Variants in TXNRD3 observed in about 807,000 individuals in gnomAD.
The protein encoded by TXNRD3 is thioredoxin reductase 3, also known as TXNRD3 neighbor gene protein.
In TXNRD3, 68 loss-of-function variants were observed where a neutral mutation model predicts 78.2. The observed-to-expected ratio is 0.87, with a 90% CI of 0.72 to 1.06. The LOEUF is 1.06. TXNRD3 is among the 50% of genes least tolerant of loss of function. TXNRD3 has a pLI of 0.00. For missense variants in TXNRD3, 751 were observed against 809.5 expected, an observed-to-expected ratio of 0.93 and a Z score of 0.88; for synonymous variants, 296 against 300.1, an observed-to-expected ratio of 0.99 and a Z score of 0.14.
chr3:126,608,097 A>C, intron 15 of TXNRD3, 124 bp from the exon 16 acceptor site: 45 of 714,070 alleles, frequency 6.3e-5, no homozygotes, highest in Non-Finnish European at 9.1e-5. Flanking sequence ...ATGGTGGCTC[A>C]TGCCTGTAAT....
intron 13 of TXNRD3, among the ~76,000 whole-genome samples, chr3:126,611,443 C>CG (rs1938197337): frequency 6.6e-6 from 1 of 152,164 alleles, no homozygotes; most frequent in Non-Finnish European, 1.5e-5. Context: ...CACAGGCTCT[C>CG]GTGTGGGCTG....
rs902961800 is a variant in TXNRD3 at position 126,654,974 on chromosome 3, G to T, written c.17C>A (p.Pro6Gln). ...CGCCTTTCCCGGCCCGGGCGACTGC[G>T]GCGGCGACCGCTCCAGAGTCTCGCT... The change falls in exon 1 of 16, where the codon CCG becomes CAG. Residue 6 changes from proline (P) to glutamine (Q), a missense_variant. Pro to Gln is a moderately conservative substitution (Grantham distance 76). Transcript: ENST00000524230. 7.3e-5 allele frequency: 95 copies of T among 1,301,144 alleles called. No individual in the cohort carries two copies. The highest frequency in any genetic ancestry group is 8.9e-5 in the Non-Finnish European group (92 of 1,029,412). The allele number at this position is 1,301,144 out of a possible 1,614,324, so 80.6% of individuals were successfully genotyped here. A position where few individuals can be genotyped will look rare whatever the true frequency, so the allele number is the denominator to read the frequency against.
intron 10 of TXNRD3, among the ~76,000 whole-genome samples, chr3:126,623,308 CAGGAA>C (rs1481303315): frequency 6.6e-6 from 1 of 152,072 alleles, no homozygotes; most frequent in Non-Finnish European, 1.5e-5. Flanking sequence ...AAAACTCTTT[CAGGAA>C]AGAGAAAAAG....
chr3:126,637,869 T>C (rs538294283), intron 6 of TXNRD3, among the ~76,000 whole-genome samples: 1 of 151,368 alleles, frequency 6.6e-6, no homozygotes, highest in Non-Finnish European at 1.5e-5. Flanking sequence ...TGAAAGCTCA[T>C]TCAGTTTCTA....
At chr3:126,644,744 C>T (rs1251158411) in intron 3 of TXNRD3, among the ~76,000 whole-genome samples, 3 of 152,176 alleles carry the variant, frequency 2.0e-5, no homozygotes, top group Non-Finnish European at 1.5e-5. Flanking sequence ...AGTGGAATAG[C>T]CAAGTATCAT....
At chr3:126,610,330 T>G (rs981881099) in intron 14 of TXNRD3, among the ~76,000 whole-genome samples, 1 of 152,248 alleles carries the variant, frequency 6.6e-6, no homozygotes, top group Admixed American at 6.5e-5. Flanking sequence ...TGATAAACTC[T>G]TCAAGAGAAG....
At chr3:126,642,220 T>C in intron 5 of TXNRD3, 69 bp from the exon 6 acceptor site, 1 of 1,448,968 alleles carries the variant, frequency 6.9e-7, no homozygotes, top group Admixed American at 2.7e-5. Context: ...TCATATTATA[T>C]TAAAACATGT....
chr3:126,643,064 G>T (rs1045780319), intron 5 of TXNRD3, among the ~76,000 whole-genome samples: 5 of 152,206 alleles, frequency 3.3e-5, no homozygotes, highest in African/African-American at 4.8e-5. Flanking sequence ...ACCACCCAGA[G>T]GGAGCCAGCC....
intron 14 of TXNRD3, among the ~76,000 whole-genome samples, 158 bp downstream of exon 14, chr3:126,610,879 T>C (rs977629084): frequency 1.3e-5 from 2 of 151,894 alleles, no homozygotes; most frequent in East Asian, 3.9e-4. Context: ...CTCAGGAAGC[T>C]GAAGCAGGAG....
intron 3 of TXNRD3, among the ~76,000 whole-genome samples, chr3:126,645,318 A>G (rs1022492029): frequency 6.6e-6 from 1 of 152,180 alleles, no homozygotes; most frequent in Admixed American, 6.6e-5. Context: ...GCATCTACAG[A>G]TTTATTCTTG....
intron 6 of TXNRD3, among the ~76,000 whole-genome samples, chr3:126,637,230 T>C (rs922007007): frequency 1.1e-4 from 16 of 152,220 alleles, no homozygotes; most frequent in Non-Finnish European, 2.4e-4. Context: ...ACCACTAATT[T>C]TTATACTCAA....
chr3:126,643,215 G>C (rs566747850), intron 5 of TXNRD3, among the ~76,000 whole-genome samples: 1 of 152,310 alleles, frequency 6.6e-6, no homozygotes, highest in South Asian at 2.1e-4. Flanking sequence ...AGAAGCCAGA[G>C]GGCAAGGCTG....
intron 13 of TXNRD3, among the ~76,000 whole-genome samples, chr3:126,615,003 AC>A (rs1346818067): frequency 6.6e-6 from 1 of 152,266 alleles, no homozygotes; most frequent in Non-Finnish European, 1.5e-5. Context: ...CAGGCAGACA[AC>A]CCTGGAACTT....
chr3:126,642,916 G>A (rs1382545770), intron 5 of TXNRD3, among the ~76,000 whole-genome samples: 1 of 152,178 alleles, frequency 6.6e-6, no homozygotes, highest in Non-Finnish European at 1.5e-5. Context: ...ACTTGAGTTG[G>A]GTAACTGAAG....
rs904279125 is a variant in TXNRD3 at position 126,640,647 on chromosome 3, T to C, written c.712+1385A>G. 3.3e-5 allele frequency among the ~76,000 whole-genome samples: 5 copies of C among 152,250 alleles called. No individual in the cohort carries two copies. The South Asian group carries it at 1.0e-3, about 32-fold the overall frequency. The stretch of plus-strand genomic sequence containing the variant: ...AAGTGGTTTGTAATTTTTCTTAAAG[T>C]CCACAAGACATTCTGATACACAGCC... On this transcript the variant is annotated intron_variant, in intron 6 of 15. Transcript: ENST00000524230.
At chr3:126,622,186 C>G (rs1201752538) in intron 11 of TXNRD3, among the ~76,000 whole-genome samples, 1 of 152,166 alleles carries the variant, frequency 6.6e-6, no homozygotes, top group East Asian at 1.9e-4. Flanking sequence ...TTTCCCTGAC[C>G]AAGGACATAA....
At chr3:126,646,932 C>T (rs1933252774) in intron 2 of TXNRD3, among the ~76,000 whole-genome samples, 2 of 152,224 alleles carry the variant, frequency 1.3e-5, no homozygotes, top group Non-Finnish European at 2.9e-5. Flanking sequence ...TCATTTGTTA[C>T]AGCTTTATCT....
intron 15 of TXNRD3, 78 bp downstream of exon 15, chr3:126,608,421 T>C: frequency 1.5e-6 from 2 of 1,358,390 alleles, no homozygotes; most frequent in Middle Eastern, 1.9e-4. Flanking sequence ...TAATATGACA[T>C]CTTTCTGACA....
chr3:126,608,070 T>C, intron 15 of TXNRD3, 97 bp from the exon 16 acceptor site: 1 of 986,386 alleles, frequency 1.0e-6, no homozygotes. Context: ...CTTTAAAATA[T>C]ACAAATCTGG....
Sources: allele counts gnomAD v4.1 joint callset (sites outside exome capture counted in the v4.1 genomes callset), GRCh38; gene constraint gnomAD v4.1.1; transcripts MANE v1.5; gene names NCBI Gene and HGNC (gene_info 2026-07-23, HGNC 2026-07-21).